EIPR1: variants seen among roughly 807,000 people sequenced by gnomAD.
EIPR1 encodes the protein EARP and GARP complex-interacting protein 1.
Under a neutral mutation model 48.1 loss-of-function variants are expected in EIPR1, and 25 were observed. The ratio of observed to expected loss-of-function variants is 0.52; its 90% CI spans 0.38 to 0.73. EIPR1 has a LOEUF of 0.73. Ranked by LOEUF, EIPR1 falls within the 30% of genes least tolerant of loss-of-function variation. The probability of loss-of-function intolerance (pLI) is 0.00; values close to 1 mark genes in which losing one functional copy is unlikely to be tolerated. For synonymous variants in EIPR1, 204 were observed against 201.9 expected, an observed-to-expected ratio of 1.01 and a Z score of -0.09; for missense variants, 415 against 506.2, an observed-to-expected ratio of 0.82 and a Z score of 1.73.
intron 3 of EIPR1, among the ~76,000 whole-genome samples, chr2:3,265,616 T>C (rs1029457897): frequency 6.6e-6 from 1 of 152,184 alleles, no homozygotes; most frequent in Admixed American, 6.5e-5. Context: ...CGAATTAATA[T>C]CACAATGACT....
chr2:3,343,921 G>T (rs1040695048), intron 2 of EIPR1, among the ~76,000 whole-genome samples: 1 of 152,174 alleles, frequency 6.6e-6, no homozygotes, highest in African/African-American at 2.4e-5. Flanking sequence ...CAAAAAAAGG[G>T]CCAGGCACGG....
At chr2:3,310,448 C>T (rs13397023) in intron 3 of EIPR1, among the ~76,000 whole-genome samples, 62,073 of 134,994 alleles carry the variant, frequency 0.46, 16,388 homozygotes, top group East Asian at 0.8. Context: ...GGTCAGGAGA[C>T]TGAGACCATC....
intron 4 of EIPR1, among the ~76,000 whole-genome samples, chr2:3,252,299 C>T (rs566844347): frequency 4.6e-5 from 7 of 152,132 alleles, no homozygotes; most frequent in Non-Finnish European, 1.0e-4. Flanking sequence ...GAAGATAAAA[C>T]GGCAAAACGG....
intron 5 of EIPR1, among the ~76,000 whole-genome samples, chr2:3,202,151 A>G (rs527383816): frequency 1.4e-4 from 21 of 152,184 alleles, no homozygotes; most frequent in Admixed American, 2.6e-4. Context: ...GTTAGCCAGG[A>G]TGGTCTCGAT....
intron 3 of EIPR1, among the ~76,000 whole-genome samples, chr2:3,284,512 T>C (rs927225583): frequency 2.0e-5 from 3 of 152,262 alleles, no homozygotes; most frequent in African/African-American, 7.2e-5. Context: ...TCTTGAGCAG[T>C]GTGCAGACCA....
intron 3 of EIPR1, among the ~76,000 whole-genome samples, chr2:3,313,784 G>A (rs1669199973): frequency 6.6e-6 from 1 of 152,192 alleles, no homozygotes; most frequent in Non-Finnish European, 1.5e-5. Flanking sequence ...TTGTTCCCAT[G>A]AGAAACTCAA....
At chr2:3,203,726 G>A (rs1665128165) in intron 5 of EIPR1, among the ~76,000 whole-genome samples, 1 of 152,264 alleles carries the variant, frequency 6.6e-6, no homozygotes, top group South Asian at 2.1e-4. Context: ...CAGCACCGCA[G>A]GGCGGGGTCC....
intron 3 of EIPR1, among the ~76,000 whole-genome samples, chr2:3,318,533 G>C (rs1393811591): frequency 2.0e-5 from 3 of 152,174 alleles, no homozygotes; most frequent in Non-Finnish European, 4.4e-5. Context: ...GAGTCAGTGA[G>C]GAACGCAAGA....
intron 5 of EIPR1, among the ~76,000 whole-genome samples, chr2:3,206,854 A>G (rs989054708): frequency 2.0e-5 from 3 of 152,120 alleles, no homozygotes; most frequent in African/African-American, 7.2e-5. Flanking sequence ...TCCTTGGGAG[A>G]GGGAAAAAGA....
intron 2 of EIPR1, among the ~76,000 whole-genome samples, chr2:3,351,104 G>A (rs1380809377): frequency 4.6e-5 from 7 of 151,488 alleles, no homozygotes; most frequent in Non-Finnish European, 7.4e-5. Context: ...GTTGTCAAGT[G>A]ATTCTCATGC....
At chr2:3,377,427 T>C in intron 1 of EIPR1, 2 of 485,026 alleles carry the variant, frequency 4.1e-6, no homozygotes, top group Non-Finnish European at 7.3e-6. Flanking sequence ...GGACAGGATG[T>C]GAAGGGGAAG....
chr2:3,210,020 GA>G (rs1352375710), intron 5 of EIPR1, among the ~76,000 whole-genome samples: 1 of 152,140 alleles, frequency 6.6e-6, no homozygotes, highest in East Asian at 1.9e-4. Context: ...TAATGTCAAC[GA>G]GGGGCTCTGG....
At chr2:3,362,649 C>CA (rs34072545) in intron 1 of EIPR1, among the ~76,000 whole-genome samples, 1,077 of 100,200 alleles carry the variant, frequency 0.011, 3 homozygotes, top group Middle Eastern at 0.019. Flanking sequence ...GACTCTGTCT[C>CA]AAAAAAAAAA....
chr2:3,336,546 T>C (rs537038408), intron 3 of EIPR1, among the ~76,000 whole-genome samples: 10 of 152,220 alleles, frequency 6.6e-5, no homozygotes, highest in Admixed American at 2.6e-4. Context: ...GGCAGGCGGA[T>C]CACCTGAGGT....
chr2:3,353,775 G>A (rs188601021), intron 2 of EIPR1, among the ~76,000 whole-genome samples: 5 of 152,188 alleles, frequency 3.3e-5, no homozygotes, highest in East Asian at 1.9e-4. Flanking sequence ...ATCGACATAC[G>A]AGAGTGACAG....
At chr2:3,369,693 G>A (rs11688775) in intron 1 of EIPR1, among the ~76,000 whole-genome samples, 2,252 of 152,336 alleles carry the variant, frequency 0.015, 51 homozygotes, top group African/African-American at 0.052. Flanking sequence ...AGGGGCGCCC[G>A]CCATTGCCCA....
chr2:3,297,034 G>T (rs1440604125), intron 3 of EIPR1, among the ~76,000 whole-genome samples: 1 of 123,408 alleles, frequency 8.1e-6, no homozygotes, highest in Non-Finnish European at 1.8e-5. Flanking sequence ...GCAGGTGGTG[G>T]CAGTTTCTCT....
chr2:3,260,067 G>A (rs951077999), intron 3 of EIPR1, among the ~76,000 whole-genome samples: 4 of 152,266 alleles, frequency 2.6e-5, no homozygotes, highest in South Asian at 2.1e-4. Flanking sequence ...AGAAAAAGAC[G>A]AATAACATAG....
intron 1 of EIPR1, among the ~76,000 whole-genome samples, chr2:3,361,464 T>C (rs1212418343): frequency 1.3e-5 from 2 of 151,876 alleles, no homozygotes; most frequent in East Asian, 1.9e-4. Context: ...CACATGTCCC[T>C]TTCTCCTTGG....
Sources: gnomAD v4.1 joint callset for allele counts (sites outside exome capture counted in the v4.1 genomes callset) on GRCh38, gnomAD v4.1.1 for gene constraint, MANE v1.5 for transcripts, NCBI Gene and HGNC (gene_info 2026-07-23, HGNC 2026-07-21) for gene names.